The following TESMIN variants were observed in gnomAD, a reference collection of about 807,000 sequenced individuals.
TESMIN encodes CXC domain containing 2.
A neutral mutation model predicts 47.4 loss-of-function variants in TESMIN; 34 were observed. The ratio of observed to expected loss-of-function variants is 0.72; its 90% CI spans 0.55 to 0.96. The LOEUF is 0.96. Ranked by LOEUF, TESMIN falls within the 40% of genes least tolerant of loss-of-function variation. The pLI, the probability that TESMIN is intolerant of heterozygous loss-of-function variation, is 0.00. For missense variants in TESMIN, 610 were observed against 637.2 expected, an observed-to-expected ratio of 0.96 and a Z score of 0.46; for synonymous variants, 278 against 258.9, an observed-to-expected ratio of 1.07 and a Z score of -0.71.
At chr11:68,744,948 C>A in intron 4 of TESMIN, 43 bp downstream of exon 4, 2 of 1,459,892 alleles carry the variant, frequency 1.4e-6, no homozygotes, top group Non-Finnish European at 1.8e-6. Context: ...CATTTACCAA[C>A]TTACATATAT....
chr11:68,705,012 G>A (rs571644938), downstream of TESMIN, among the ~76,000 whole-genome samples: 1 of 152,336 alleles, frequency 6.6e-6, no homozygotes, highest in South Asian at 2.1e-4. Flanking sequence ...GCCGGGGGTT[G>A]GGAGCAGGAT....
At position 68,712,927 on chromosome 11, in the gene TESMIN, G is replaced by T. The variant is rs115902597; in HGVS notation, c.1158+343C>A. Among the ~76,000 whole-genome samples the T allele has an allele frequency of 5.8e-3, 882 of 152,176 alleles. 10 individuals carry two copies. Among genetic ancestry groups the T allele is most frequent in the African/African-American group, 0.02 (830 of 41,520 alleles). On this transcript the variant is annotated intron_variant, in intron 8 of 9. Coordinates refer to ENST00000255087, the MANE Select transcript of TESMIN (RefSeq NM_004923.3). ...GCTTTGCTCAGGGAGGAAGAGGCGC[G>T]GCTGCCCTCCGGGAGCTTCCACCCT...
intron 6 of TESMIN, among the ~76,000 whole-genome samples, chr11:68,731,608 T>C (rs1229943137): frequency 6.6e-6 from 1 of 152,140 alleles, no homozygotes; most frequent in Non-Finnish European, 1.5e-5. Context: ...TTGCGGGGAA[T>C]AAAAAGGTAA....
At chr11:68,716,086 A>G (rs1275200621) in intron 6 of TESMIN, 147 bp from the exon 7 acceptor site, 19 of 604,726 alleles carry the variant, frequency 3.1e-5, no homozygotes, top group Non-Finnish European at 4.7e-5. Context: ...CTCCTTTTAT[A>G]TGAGAACTAG....
chr11:68,751,203 CCAGGTGAGGGGCGGCCGAGGAGGGGGT>C (rs1566330775), intron 1 of TESMIN, among the ~76,000 whole-genome samples, 190 bp downstream of exon 1: 1 of 99,320 alleles, frequency 1.0e-5, no homozygotes, highest in South Asian at 3.4e-4. Context: ...GGGGAGGGGG[CCAGGTGAGGGGCGGCCGAGGAGGGGGT>C]CAGGTGAGGA....
At position 68,737,375 on chromosome 11, in the gene TESMIN, C is replaced by A. The variant is rs1161407460; in HGVS notation, c.917+1325G>T. The A allele has an allele frequency of 5.1e-6, 5 of 985,400 alleles. No homozygotes were observed. The Admixed American group carries it at 1.8e-4, about 36-fold the overall frequency. 61.0% of individuals were successfully genotyped at this position (985,400 alleles called of 1,614,324 possible). ...TGAAGCAGCGGTGCCCAGGAGCAACCAACGCCCTTCAGCGACCATGAGGGC... is the reference window on the plus strand; with the variant it reads ...TGAAGCAGCGGTGCCCAGGAGCAACAAACGCCCTTCAGCGACCATGAGGGC... On this transcript the variant is annotated intron_variant, in intron 6 of 9. Transcript: ENST00000255087.
intron 5 of TESMIN, among the ~76,000 whole-genome samples, chr11:68,741,484 C>A (rs961315757): frequency 1.3e-5 from 2 of 152,208 alleles, no homozygotes; most frequent in Admixed American, 1.3e-4. Context: ...CTCTGCTCTC[C>A]TAACAGATGA....
At chr11:68,710,130 C>CAT (rs2153990561) in intron 9 of TESMIN, among the ~76,000 whole-genome samples, 1 of 152,262 alleles carries the variant, frequency 6.6e-6, no homozygotes, top group Non-Finnish European at 1.5e-5. Context: ...TGCACTCCAG[C>CAT]CTGAGCAACT....
rs183511706 is a variant in TESMIN, at chr11:68,729,180, T to C, written c.917+9520A>G. On this transcript the variant is annotated intron_variant, in intron 6 of 9. Coordinates refer to ENST00000255087, the MANE Select transcript of TESMIN (RefSeq NM_004923.3). Reference sequence around the variant, plus strand: ...CCATTCTGTGTGCCATTAAGAATATTCATGATTCATGGGAGGAAGTAAAAA... The same window carrying C: ...CCATTCTGTGTGCCATTAAGAATATCCATGATTCATGGGAGGAAGTAAAAA... Among the ~76,000 whole-genome samples, 170 of 152,356 alleles carry C rather than the reference T, an allele frequency of 1.1e-3. 1 individual carries two copies. The highest frequency in any genetic ancestry group is 1.8e-3 in the Non-Finnish European group (125 of 68,038).
chr11:68,726,285 G>T (rs1378805276), intron 6 of TESMIN, among the ~76,000 whole-genome samples: 1 of 152,010 alleles, frequency 6.6e-6, no homozygotes, highest in Non-Finnish European at 1.5e-5. Context: ...GCTCACTTCA[G>T]GTTGAAATCT....
downstream of TESMIN, among the ~76,000 whole-genome samples, chr11:68,706,440 T>C (rs1945998804): frequency 6.6e-6 from 1 of 152,200 alleles, no homozygotes. Context: ...CCACACTGAG[T>C]TCCCTGCTCA....
At chr11:68,724,726 G>A (rs781735701) in intron 6 of TESMIN, among the ~76,000 whole-genome samples, 1 of 152,210 alleles carries the variant, frequency 6.6e-6, no homozygotes, top group African/African-American at 2.4e-5. Flanking sequence ...CATTGAAGAT[G>A]TCAGGGCAAC....
chr11:68,708,422 C>T lies in TESMIN; in HGVS notation c.1413G>A (p.Glu471=). The T allele has an allele frequency of 6.2e-7, 1 of 1,614,226 alleles. No individual in the cohort carries two copies. The highest frequency in any genetic ancestry group is 8.5e-7 in the Non-Finnish European group (1 of 1,180,036). The change falls in exon 10 of 10, where the codon GAG becomes GAA. Residue 471 remains glutamate, a synonymous_variant. Coordinates refer to ENST00000255087, the MANE Select transcript of TESMIN (RefSeq NM_004923.3). The part of the protein sequence containing the change: ...ACLLAQGEEA[E]KEHCSKCLAE... ...CCAGGCACTTGGAGCAGTGTTCTTT[C>T]TCGGCCTCTTCTCCCTGAGCAAGCA...
chr11:68,715,164 C>T (rs1225899221), intron 7 of TESMIN, among the ~76,000 whole-genome samples: 5 of 152,180 alleles, frequency 3.3e-5, no homozygotes. Context: ...CTCAATTTCC[C>T]TTCGTGAATG....
chr11:68,732,478 C>T (rs1946339778), intron 6 of TESMIN: 2 of 152,916 alleles, frequency 1.3e-5, no homozygotes, highest in Non-Finnish European at 2.9e-5. Context: ...CAGCCAGCAG[C>T]TGAGCAGCTC....
Position 68,707,942 on chromosome 11 carries a change from AC to A in TESMIN, c.*365del. On this transcript the variant is annotated 3_prime_UTR_variant, in exon 10 of 10. Transcript: ENST00000255087. ...CAACATTCTCTGAGAGGAAGAGTCG[AC>A]CAGAGTGAGCTCTCCGCAGGGCCTG... 2.2e-6 allele frequency: 1 copy of A among 461,890 alleles called. No individual in the cohort carries two copies. Among genetic ancestry groups the A allele is most frequent in the Non-Finnish European group, 4.3e-6 (1 of 231,486 alleles). 28.6% of individuals were successfully genotyped at this position (461,890 alleles called of 1,614,324 possible).
At chr11:68,711,889 C>T (rs902229440) in intron 8 of TESMIN, among the ~76,000 whole-genome samples, 93 of 152,246 alleles carry the variant, frequency 6.1e-4, no homozygotes, top group African/African-American at 2.2e-3. Flanking sequence ...CTTGCCCCCT[C>T]ATGCCAAATT....
intron 6 of TESMIN, among the ~76,000 whole-genome samples, chr11:68,718,167 G>GCAGCCCCCAGTCAGCCCACGCCTCACCCA (rs71270550): frequency 7.4e-6 from 1 of 134,790 alleles, no homozygotes; most frequent in Non-Finnish European, 1.6e-5. Flanking sequence ...CCCCTCACCT[G>GCAGCCCCCAGTCAGCCCACGCCTCACCCA]CAGCCCCCAG....
At chr11:68,731,235 A>G (rs994064989) in intron 6 of TESMIN, among the ~76,000 whole-genome samples, 9 of 152,250 alleles carry the variant, frequency 5.9e-5, no homozygotes, top group African/African-American at 2.2e-4. Flanking sequence ...TGACTGTGGT[A>G]ATCGATTTTT....
Sources: allele counts gnomAD v4.1 joint callset (sites outside exome capture counted in the v4.1 genomes callset), GRCh38; gene constraint gnomAD v4.1.1; transcripts MANE v1.5; gene names NCBI Gene and HGNC (gene_info 2026-07-23, HGNC 2026-07-21).